Variants in HIGD2A observed in about 807,000 individuals in gnomAD.
HIGD2A encodes the protein HIG1 hypoxia inducible domain family member 2A.
In HIGD2A, 4 loss-of-function variants were observed where a neutral mutation model predicts 6.3. The observed-to-expected ratio is 0.64, with a 90% confidence interval of 0.31 to 1.46. The LOEUF is 1.46. HIGD2A is among the 40% of genes most tolerant of loss of function. The pLI is 0.07. For missense variants in HIGD2A, 143 were observed against 144.8 expected (o/e 0.99, Z 0.06); for synonymous variants, 63 against 59.3 (o/e 1.06, Z -0.29).
At chr5:176,389,294 G>C (rs1199432059) in intron 1 of HIGD2A, 37 bp from the exon 2 acceptor site, 3 of 1,592,228 alleles carry the variant, frequency 1.9e-6, no homozygotes, top group Middle Eastern at 2.0e-4. Flanking sequence ...TGCGGGGCCC[G>C]ACCTGCTGTT....
chr5:176,389,316 T>C lies in HIGD2A; in HGVS notation c.155-15T>C. ...CCCGACCTGCTGTTTCCCAGTTGCT[T>C]TGTCCCCTCCTCAGGTTGCCTGGCC... On this transcript the variant is annotated splice_polypyrimidine_tract_variant and intron_variant, in intron 1 of 1. Coordinates refer to ENST00000274787, the MANE Select transcript of HIGD2A (RefSeq NM_138820.4). 1 of 1,609,028 alleles carries C rather than the reference T, an allele frequency of 6.2e-7. No individual in the cohort carries two copies. Among genetic ancestry groups the C allele is most frequent in the Non-Finnish European group, 8.5e-7 (1 of 1,177,568 alleles).
chr5:176,388,945 G>A lies in HIGD2A; in HGVS notation c.126G>A (p.Lys42=), dbSNP rs1004551807. The A allele has an allele frequency of 6.2e-7, 1 of 1,614,198 alleles. No homozygotes were observed. Among genetic ancestry groups the A allele is most frequent in the South Asian group, 1.1e-5 (1 of 91,084 alleles). Residue 42 remains lysine, a synonymous_variant, in exon 1 of 2, where the codon AAG becomes AAA. Coordinates refer to ENST00000274787, the MANE Select transcript of HIGD2A (RefSeq NM_138820.4). ...PESFKEKFVR[K]TRENPVVPIG... The stretch of plus-strand genomic sequence containing the variant: ...GTTTCAAGGAAAAGTTCGTTCGCAA[G>A]ACCCGCGAGAACCCGGTGGTACCCA...
Position 176,388,979 on chromosome 5 carries a change from T to G in HIGD2A, c.154+6T>G, listed in dbSNP as rs1756136355. 1 of 1,613,472 alleles carries G rather than the reference T, an allele frequency of 6.2e-7. No homozygotes were observed. The highest frequency in any genetic ancestry group is 8.5e-7 in the Non-Finnish European group (1 of 1,179,860). ...GAACCCGGTGGTACCCATAGGTAAG[T>G]GGGTGCGGTAGGAACTGCACAAGGA... On this transcript the variant is annotated splice_donor_region_variant and intron_variant, in intron 1 of 1. Transcript: ENST00000274787.
At chr5:176,388,994 C>A (rs1756137819) in intron 1 of HIGD2A, 21 bp downstream of exon 1, 1 of 1,613,380 alleles carries the variant, frequency 6.2e-7, no homozygotes, top group African/African-American at 1.3e-5. Flanking sequence ...GCGGTAGGAA[C>A]TGCACAAGGA....
rs561183224 is a variant in HIGD2A, at chr5:176,389,713, C to T, written c.*216C>T. ...ACATACTTCTATTTGTGCCACATCT[C>T]CCCTCCACTCCCCTGCTTAATAAAC... On this transcript the variant is annotated 3_prime_UTR_variant, in exon 2 of 2. Transcript: ENST00000274787. 2.0e-4 allele frequency: 96 copies of T among 478,044 alleles called. No individual in the cohort carries two copies. Among genetic ancestry groups the T allele is most frequent in the Non-Finnish European group, 2.7e-4 (74 of 270,696 alleles). 29.6% of individuals were successfully genotyped at this position (478,044 alleles called of 1,614,324 possible).
Position 176,389,675 on chromosome 5 carries a change from TTGTTTG to T in HIGD2A, c.*179_*184del, listed in dbSNP as rs1454941054. 19 of 585,502 alleles carry T rather than the reference TTGTTTG, an allele frequency of 3.2e-5. No individual in the cohort carries two copies. The East Asian group carries it at 5.4e-4, about 17-fold the overall frequency. The allele number at this position is 585,502 out of a possible 1,614,324, so 36.3% of individuals were successfully genotyped here. A position where few individuals can be genotyped will look rare whatever the true frequency, so the allele number is the denominator to read the frequency against. On this transcript the variant is annotated 3_prime_UTR_variant, in exon 2 of 2. Transcript: ENST00000274787. ...GTTTTTTCAAAAATCCTAGATGCTG[TTGTTTG>T]AATGTTACATACTTCTATTTGTGCC...
chr5:176,389,434 G>A lies in HIGD2A; in HGVS notation c.258G>A (p.Gln86=), dbSNP rs1156983676. The A allele has an allele frequency of 1.2e-6, 2 of 1,614,220 alleles. No individual in the cohort carries two copies. Among genetic ancestry groups the A allele is most frequent in the South Asian group, 2.2e-5 (2 of 91,090 alleles). Reference sequence around the variant, plus strand: ...TGATGCGCACCCGGATCGCCGCCCAGGGTTTCACGGTCGCAGCCATCTTGC... The same window carrying A: ...TGATGCGCACCCGGATCGCCGCCCAAGGTTTCACGGTCGCAGCCATCTTGC... ...QLMMRTRIAA[Q]GFTVAAILLG... Residue 86 remains glutamine, a synonymous_variant, in exon 2 of 2, where the codon CAG becomes CAA. Transcript: ENST00000274787.
chr5:176,389,509 G>A lies in HIGD2A; in HGVS notation c.*12G>A. 6.2e-7 allele frequency: 1 copy of A among 1,602,786 alleles called. No homozygotes were observed. The highest frequency in any genetic ancestry group is 8.5e-7 in the Non-Finnish European group (1 of 1,173,664). On this transcript the variant is annotated 3_prime_UTR_variant, in exon 2 of 2. Coordinates refer to ENST00000274787, the MANE Select transcript of HIGD2A (RefSeq NM_138820.4). The stretch of plus-strand genomic sequence containing the variant: ...AGTCTCGACCCTAAGCCCAGGGTCT[G>A]GCCTTGAAAGCTCCGCAGAAATGAT...
intron 1 of HIGD2A, 138 bp downstream of exon 1, chr5:176,389,111 G>A (rs1756148217): frequency 4.0e-6 from 5 of 1,239,780 alleles, no homozygotes; most frequent in East Asian, 2.3e-5. Context: ...GCGGTGAGGG[G>A]CGAAACTGAT....
In HIGD2A at chr5:176,389,356, C is replaced by T. The variant is rs760128812; in HGVS notation, c.180C>T (p.Leu60=). The change falls in exon 2 of 2, where the codon CTC becomes CTT. Residue 60 remains leucine (L), a synonymous_variant. Coordinates refer to ENST00000274787, the MANE Select transcript of HIGD2A (RefSeq NM_138820.4). ...GTTGCCTGGCCACGGCGGCCGCCCT[C>T]ACCTACGGCCTCTACTCCTTCCACC... is the stretch of plus-strand genomic sequence containing the variant. ...PIGCLATAAA[L]TYGLYSFHRG... is the part of the protein sequence containing the mutation. 2 of 1,613,812 alleles carry T rather than the reference C, an allele frequency of 1.2e-6. No individual in the cohort carries two copies. The highest frequency in any genetic ancestry group is 1.1e-5 in the South Asian group (1 of 91,064).
At chr5:176,389,168 T>G (rs567447069) in intron 1 of HIGD2A, among the ~76,000 whole-genome samples, 163 bp from the exon 2 acceptor site, 5 of 151,982 alleles carry the variant, frequency 3.3e-5, no homozygotes, top group Non-Finnish European at 5.9e-5. Flanking sequence ...GGGCCTAAGA[T>G]TGGGAGGACT....
At chr5:176,389,143 A>C (rs1312102649) in intron 1 of HIGD2A, among the ~76,000 whole-genome samples, 170 bp downstream of exon 1, 2 of 151,430 alleles carry the variant, frequency 1.3e-5, no homozygotes, top group Non-Finnish European at 2.9e-5. Flanking sequence ...CAGCGGGTTT[A>C]GGGGGCGGGA....
intron 1 of HIGD2A, 145 bp downstream of exon 1, chr5:176,389,118 T>C: frequency 1.7e-6 from 2 of 1,197,298 alleles, no homozygotes; most frequent in South Asian, 2.8e-5. Context: ...GGGGCGAAAC[T>C]GATTGGAGCG....
chr5:176,388,865 T>C lies in HIGD2A; in HGVS notation c.46T>C (p.Ser16Pro). Reference sequence around the variant, plus strand: ...GATTCCGGAGGTCCCCTTTGAACCATCGAAGCCTCCAGTCATTGAGGGGCT... The same window carrying C: ...GATTCCGGAGGTCCCCTTTGAACCACCGAAGCCTCCAGTCATTGAGGGGCT... ...PVIPEVPFEP[S>P]KPPVIEGLSP... Residue 16 changes from serine (S) to proline (P), a missense_variant, in exon 1 of 2, where the codon TCG becomes CCG. Coordinates refer to ENST00000274787, the MANE Select transcript of HIGD2A (RefSeq NM_138820.4). The C allele has an allele frequency of 1.9e-6, 3 of 1,614,050 alleles. No homozygotes were observed. Among genetic ancestry groups the C allele is most frequent in the Non-Finnish European group, 2.5e-6 (3 of 1,180,014 alleles).
chr5:176,389,198 G>C (rs1257039238), intron 1 of HIGD2A, 133 bp from the exon 2 acceptor site: 7 of 1,175,052 alleles, frequency 6.0e-6, no homozygotes, highest in Non-Finnish European at 6.0e-6. Context: ...GGAAGACCTC[G>C]ACTCGACCTA....
At chr5:176,389,262 A>T in intron 1 of HIGD2A, 69 bp from the exon 2 acceptor site, 3 of 1,524,894 alleles carry the variant, frequency 2.0e-6, no homozygotes, top group Non-Finnish European at 2.7e-6. Flanking sequence ...TGGGGAAGCG[A>T]GACCCAAAGC....
At chr5:176,389,243 T>G in intron 1 of HIGD2A, 88 bp from the exon 2 acceptor site, 1 of 1,453,384 alleles carries the variant, frequency 6.9e-7, no homozygotes, top group Middle Eastern at 2.5e-4. Flanking sequence ...GATCCAGAGA[T>G]CTTGGCTTTG....
Position 176,389,104 on chromosome 5 carries a change from G to A in HIGD2A, c.154+131G>A, listed in dbSNP as rs887137414. 15 of 1,268,456 alleles carry A rather than the reference G, an allele frequency of 1.2e-5. No homozygotes were observed. In the African/African-American group the frequency reaches 1.3e-4, roughly 11 times the overall value. 78.6% of individuals were successfully genotyped at this position (1,268,456 alleles called of 1,614,324 possible). ...AGAGAAGAGACGAGGGGGCGGGGCG[G>A]TGAGGGGCGAAACTGATTGGAGCGG... is the stretch of plus-strand genomic sequence containing the variant. On this transcript the variant is annotated intron_variant, in intron 1 of 1. Transcript: ENST00000274787.
chr5:176,388,774 G>A lies in HIGD2A; in HGVS notation c.-46G>A, dbSNP rs570061188. On this transcript the variant is annotated 5_prime_UTR_variant, in exon 1 of 2. Coordinates refer to ENST00000274787, the MANE Select transcript of HIGD2A (RefSeq NM_138820.4). ...GCCCCTTTCATGACCTTCACCGGGA[G>A]GCTGAGGTCGGAGTCCCGATTTTCT... 36 of 1,597,584 alleles carry A rather than the reference G, an allele frequency of 2.3e-5. No homozygotes were observed. The highest frequency in any genetic ancestry group is 2.8e-5 in the Non-Finnish European group (33 of 1,172,782).
Sources: allele counts gnomAD v4.1 joint callset (sites outside exome capture counted in the v4.1 genomes callset), GRCh38; gene constraint gnomAD v4.1.1; transcripts MANE v1.5; gene names NCBI Gene and HGNC (gene_info 2026-07-23, HGNC 2026-07-21).